The following KIF21B variants were observed in gnomAD, a reference collection of about 807,000 sequenced individuals.
KIF21B encodes the protein kinesin-like protein KIF21B.
A neutral mutation model predicts 192.9 loss-of-function variants in KIF21B; 85 were observed. That is an observed-to-expected ratio of 0.44 (90% CI 0.37 to 0.53). The LOEUF (loss-of-function observed/expected upper bound fraction) is 0.53. Ranked by LOEUF, KIF21B falls within the 20% of genes least tolerant of loss-of-function variation. The pLI is 0.00. For synonymous variants in KIF21B, 832 were observed against 884.6 expected (o/e 0.94, Z 1.05); for missense variants, 1,716 against 2,194.8 (o/e 0.78, Z 4.36).
chr1:200,971,025 G>A lies in KIF21B; in HGVS notation c.*2496C>T, dbSNP rs1355472633. On this transcript the variant is annotated 3_prime_UTR_variant, in exon 35 of 35. Transcript: ENST00000461742. ...AGAGCCAACGTGGGGGGATCCTCCCGGGCCTGGGCCTGTCAAGTCTGCCTG... is the reference window on the plus strand; with the variant it reads ...AGAGCCAACGTGGGGGGATCCTCCCAGGCCTGGGCCTGTCAAGTCTGCCTG... 2 of 152,868 alleles carry A rather than the reference G, an allele frequency of 1.3e-5. No homozygotes were observed. Among genetic ancestry groups the A allele is most frequent in the East Asian group, 1.9e-4 (1 of 5,320 alleles). The allele number at this position is 152,868 out of a possible 1,614,324, so 9.5% of individuals were successfully genotyped here.
intron 1 of KIF21B, among the ~76,000 whole-genome samples, chr1:201,019,548 C>A (rs187756630): frequency 1.9e-3 from 295 of 152,254 alleles, no homozygotes; most frequent in African/African-American, 6.8e-3. Context: ...CTGGCCCAGG[C>A]CTGGGCCCCG....
In KIF21B at chr1:201,000,389, C is replaced by A; in HGVS notation, c.1685+1G>T. On this transcript the variant is annotated splice_donor_variant, in intron 11 of 34. Coordinates refer to ENST00000461742, the MANE Select transcript of KIF21B (RefSeq NM_001252102.2). LOFTEE classifies it high-confidence loss of function. This position sits in a 1 kb window ranked among gnomAD's most constrained non-coding sequence, Gnocchi z 6.0. ...AGGGGCGGGGACGACACTCCACTCA[C>A]CTCTTCCTCCGCTGCCTGACCTCCT... 6.5e-7 allele frequency: 1 copy of A among 1,550,298 alleles called. No homozygotes were observed. The highest frequency in any genetic ancestry group is 8.6e-7 in the Non-Finnish European group (1 of 1,157,104).
At chr1:200,991,559 G>A in intron 17 of KIF21B, 98 bp downstream of exon 17, 2 of 1,239,446 alleles carry the variant, frequency 1.6e-6, no homozygotes, top group Admixed American at 1.8e-5. Context: ...TCCACCGCCA[G>A]GAAGTTGGAG....
chr1:200,988,063 G>A (rs1274406646), intron 24 of KIF21B, among the ~76,000 whole-genome samples: 2 of 152,202 alleles, frequency 1.3e-5, no homozygotes, highest in Non-Finnish European at 2.9e-5. Flanking sequence ...AGAGGCTAGC[G>A]GTGGCTCCAG....
At position 200,973,316 on chromosome 1, in the gene KIF21B, C is replaced by T; in HGVS notation, c.*205G>A. 1.9e-6 allele frequency: 1 copy of T among 538,242 alleles called. No homozygotes were observed. Among genetic ancestry groups the T allele is most frequent in the East Asian group, 3.5e-5 (1 of 28,668 alleles). 33.3% of individuals were successfully genotyped at this position (538,242 alleles called of 1,614,324 possible). A position where few individuals can be genotyped will look rare whatever the true frequency, so the allele number is the denominator to read the frequency against. ...GCTTAATTTCCTCCCCAGCCTCTCT[C>T]TCACCCAGAGGCTCCTGAGAGGCAG... On this transcript the variant is annotated 3_prime_UTR_variant, in exon 35 of 35. Coordinates refer to ENST00000461742, the MANE Select transcript of KIF21B (RefSeq NM_001252102.2).
chr1:200,999,543 T>C lies in KIF21B; in HGVS notation c.1768-77A>G. Reference sequence around the variant, plus strand: ...GAAGCAGAGGTGCATCCCGACACAATGCCTCAGGTGTGTCAGGAGGGTGGG... The same window carrying C: ...GAAGCAGAGGTGCATCCCGACACAACGCCTCAGGTGTGTCAGGAGGGTGGG... On this transcript the variant is annotated intron_variant, in intron 12 of 34. Coordinates refer to ENST00000461742, the MANE Select transcript of KIF21B (RefSeq NM_001252102.2). The surrounding 1 kb of genome is among the most constrained non-coding windows in gnomAD (Gnocchi z 4.7). 6.4e-7 allele frequency: 1 copy of C among 1,566,706 alleles called. No individual in the cohort carries two copies. Among genetic ancestry groups the C allele is most frequent in the South Asian group, 1.2e-5 (1 of 82,544 alleles).
At chr1:201,012,393 A>G (rs1571968530) in intron 1 of KIF21B, among the ~76,000 whole-genome samples, 1 of 152,218 alleles carries the variant, frequency 6.6e-6, no homozygotes, top group African/African-American at 2.4e-5. Context: ...AGCAAAGGAA[A>G]GCTAAGATGT....
chr1:200,978,909 T>G (rs938282909), intron 30 of KIF21B, among the ~76,000 whole-genome samples: 2 of 152,154 alleles, frequency 1.3e-5, no homozygotes, highest in Non-Finnish European at 2.9e-5. Context: ...AGGCTGGTCT[T>G]GAACTCCTGG....
intron 5 of KIF21B, 75 bp downstream of exon 5, chr1:201,005,233 T>C: frequency 6.7e-7 from 1 of 1,489,140 alleles, no homozygotes; most frequent in Non-Finnish European, 8.9e-7. Context: ...TTTCTGAATC[T>C]GTGGCTCCTC....
chr1:201,005,513 G>A (rs12059217), intron 4 of KIF21B, 32 bp downstream of exon 4: 29,114 of 1,604,822 alleles, frequency 0.018, 1,281 homozygotes, highest in East Asian at 0.11. Flanking sequence ...AGGATGCCCT[G>A]GACCTGCTCC....
chr1:200,979,479 G>C, intron 30 of KIF21B, 56 bp downstream of exon 30: 2 of 1,407,582 alleles, frequency 1.4e-6, no homozygotes, highest in Non-Finnish European at 1.9e-6. Flanking sequence ...GGGAGCATCT[G>C]TACCCAACAC....
At chr1:201,020,966 A>G (rs1014522916) in intron 1 of KIF21B, among the ~76,000 whole-genome samples, 1 of 152,222 alleles carries the variant, frequency 6.6e-6, no homozygotes, top group Non-Finnish European at 1.5e-5. Context: ...GGACTTCCAG[A>G]AAGTCAGAAA....
At chr1:201,003,062 T>C (rs1657590681) in intron 8 of KIF21B, 1 of 166,718 alleles carries the variant, frequency 6.0e-6, no homozygotes, top group Non-Finnish European at 1.3e-5. Context: ...GGCTGTCCCA[T>C]CTCATTTTGC....
At chr1:200,980,853 C>T (rs2102385563) in intron 29 of KIF21B, 107 bp downstream of exon 29, 2 of 1,399,670 alleles carry the variant, frequency 1.4e-6, no homozygotes, top group African/African-American at 1.5e-5. Flanking sequence ...ATATCCTCAA[C>T]TCCTGGGGGC....
At chr1:201,018,115 T>A (rs1658607344) in intron 1 of KIF21B, among the ~76,000 whole-genome samples, 1 of 152,150 alleles carries the variant, frequency 6.6e-6, no homozygotes, top group East Asian at 1.9e-4. Context: ...GCTTTCCTCC[T>A]CAATGTTCTC....
In KIF21B at chr1:201,017,977, G is replaced by A. The variant is rs1380753202; in HGVS notation, c.41+5366C>T. The stretch of plus-strand genomic sequence containing the variant: ...AGGGATTGAGGTGGGTGGATCTCTG[G>A]GGCCAAGGAAGAGCCGTTCCAGTCC... On this transcript the variant is annotated intron_variant, in intron 1 of 34. Transcript: ENST00000461742. This position sits in a 1 kb window ranked among gnomAD's most constrained non-coding sequence, Gnocchi z 4.1. Among the ~76,000 whole-genome samples, 6 of 152,036 alleles carry A rather than the reference G, an allele frequency of 3.9e-5. No individual in the cohort carries two copies. Among genetic ancestry groups the A allele is most frequent in the Non-Finnish European group, 8.8e-5 (6 of 67,996 alleles).
intron 1 of KIF21B, among the ~76,000 whole-genome samples, chr1:201,014,038 G>A (rs927938422): frequency 2.0e-5 from 3 of 152,248 alleles, no homozygotes; most frequent in Non-Finnish European, 4.4e-5. Context: ...ACAGAGCCGG[G>A]CCTATTTGCC....
At position 201,005,561 on chromosome 1, in the gene KIF21B, A is replaced by G. The variant is rs1657763135; in HGVS notation, c.581T>C (p.Ile194Thr). The change falls in exon 4 of 35, where the codon ATC (isoleucine) becomes ACC (threonine). Residue 194 changes from isoleucine (I) to threonine (T), a missense_variant. Coordinates refer to ENST00000461742, the MANE Select transcript of KIF21B (RefSeq NM_001252102.2). ...GAGGCTCACCTCCTCCTGGGAGTGGATGAGGCGAGAAGTGACGCCAGTGGT... is the reference window on the plus strand; with the variant it reads ...GAGGCTCACCTCCTCCTGGGAGTGGGTGAGGCGAGAAGTGACGCCAGTGGT... Reference protein sequence around the residue: ...IYTTGVTSRLIHSQEELIQCL... With the variant: ...IYTTGVTSRLTHSQEELIQCL... 6.2e-7 allele frequency: 1 copy of G among 1,613,604 alleles called. No individual in the cohort carries two copies. Among genetic ancestry groups the G allele is most frequent in the Non-Finnish European group, 8.5e-7 (1 of 1,179,708 alleles).
chr1:201,012,686 C>T (rs1658307122), intron 1 of KIF21B, among the ~76,000 whole-genome samples: 1 of 151,676 alleles, frequency 6.6e-6, no homozygotes, highest in South Asian at 2.1e-4. Flanking sequence ...CTTGTTGCCC[C>T]AGGGTGGAAT....
Sources: gnomAD v4.1 joint callset for allele counts (sites outside exome capture counted in the v4.1 genomes callset) on GRCh38, gnomAD v4.1.1 for gene constraint, Gnocchi (gnomAD v3.1) non-coding constraint, MANE v1.5 for transcripts, NCBI Gene and HGNC (gene_info 2026-07-23, HGNC 2026-07-21) for gene names.